GAL3ST2: variants seen among roughly 807,000 people sequenced by gnomAD.
GAL3ST2 encodes the protein galactose-3-O-sulfotransferase 2.
Under a neutral mutation model 12.9 loss-of-function variants are expected in GAL3ST2, and 16 were observed. The observed-to-expected ratio is 1.24, with a 90% CI of 0.84 to 1.88. GAL3ST2 has a LOEUF of 1.88. Among genes scored for constraint, GAL3ST2 ranks in the 40% most tolerant of loss-of-function variants. The pLI is 0.00. For missense variants in GAL3ST2, 639 were observed against 571.8 expected, an observed-to-expected ratio of 1.12 and a Z score of -1.20; for synonymous variants, 302 against 273.9, an observed-to-expected ratio of 1.10 and a Z score of -1.01.
At chr2:241,783,177 T>C (rs775829959) in intron 1 of GAL3ST2, among the ~76,000 whole-genome samples, 1 of 151,714 alleles carries the variant, frequency 6.6e-6, no homozygotes, top group Non-Finnish European at 1.5e-5. Context: ...TTAATCTCAA[T>C]TTTTTTTCCT....
rs200873876 is a variant in GAL3ST2 at position 241,803,545 on chromosome 2, C to G, written c.576C>G (p.Asn192Lys). 22 of 1,608,966 alleles carry G rather than the reference C, an allele frequency of 1.4e-5. No individual in the cohort carries two copies. In the African/African-American group the frequency reaches 2.4e-4, roughly 18 times the overall value. ...RHLRNVYAKNNMWFDFGFDPN... is the reference protein window; with the variant it reads ...RHLRNVYAKNKMWFDFGFDPN... ...TCAGGAACGTCTACGCCAAGAACAA[C>G]ATGTGGTTCGACTTCGGCTTCGACC... The change falls in exon 4 of 4, where the codon AAC (asparagine) becomes AAG (lysine). Residue 192 changes from asparagine (N) to lysine (K), a missense_variant. Coordinates refer to ENST00000192314, the MANE Select transcript of GAL3ST2 (RefSeq NM_022134.3).
At chr2:241,778,257 A>T (rs1257755857) in intron 1 of GAL3ST2, among the ~76,000 whole-genome samples, 2 of 152,164 alleles carry the variant, frequency 1.3e-5, no homozygotes, top group Admixed American at 1.3e-4. Flanking sequence ...GGGTGGAACA[A>T]ATCAACAGCC....
At position 241,804,120 on chromosome 2, in the gene GAL3ST2, A is replaced by T. The variant is rs1699901476; in HGVS notation, c.1151A>T (p.Gln384Leu). 1.3e-6 allele frequency: 2 copies of T among 1,499,030 alleles called. No individual in the cohort carries two copies. Among genetic ancestry groups the T allele is most frequent in the South Asian group, 2.6e-5 (2 of 77,636 alleles). The allele number at this position is 1,499,030 out of a possible 1,614,324, so 92.9% of individuals were successfully genotyped here. Residue 384 changes from glutamine (Q) to leucine (L), a missense_variant, in exon 4 of 4, where the codon CAG becomes CTG. By Grantham distance (113) the Gln-to-Leu change is moderately radical. Coordinates refer to ENST00000192314, the MANE Select transcript of GAL3ST2 (RefSeq NM_022134.3). ...TACATGGCCCGCCTGTACGCCCTGC[A>T]GTTCCCGGAGAAGCCCCTCAAGAAC... is the stretch of plus-strand genomic sequence containing the variant. ...LQYMARLYAL[Q>L]FPEKPLKNIP...
chr2:241,798,505 A>G (rs988366657), intron 1 of GAL3ST2, among the ~76,000 whole-genome samples: 1 of 152,130 alleles, frequency 6.6e-6, no homozygotes, highest in Non-Finnish European at 1.5e-5. Context: ...TCCTTGTCTT[A>G]GAAGGACACG....
Position 241,801,337 on chromosome 2 carries a change from CACATTTTCTTTACG to C in GAL3ST2, c.120-443_120-430del. ...ACAGTATTCCGTGGTGTAGATGTGC[CACATTTTCTTTACG>C]GTCTCTATGTAACATTCACACCCGG... On this transcript the variant is annotated intron_variant, in intron 2 of 3. Transcript: ENST00000192314. The surrounding 1 kb of genome is among the most constrained non-coding windows in gnomAD (Gnocchi z 4.4). 8 of 165,026 alleles carry C rather than the reference CACATTTTCTTTACG, an allele frequency of 4.8e-5. No homozygotes were observed. The highest frequency in any genetic ancestry group is 1.9e-4 in the South Asian group (1 of 5,242). The allele number at this position is 165,026 out of a possible 1,614,324, so 10.2% of individuals were successfully genotyped here. A position where few individuals can be genotyped will look rare whatever the true frequency, so the allele number is the denominator to read the frequency against.
chr2:241,787,549 T>TCC (rs1366205404), intron 1 of GAL3ST2, among the ~76,000 whole-genome samples: 13 of 151,910 alleles, frequency 8.6e-5, no homozygotes, highest in African/African-American at 2.9e-4. Flanking sequence ...CCTTTTTTTT[T>TCC]TTTTTTTTGG....
intron 1 of GAL3ST2, among the ~76,000 whole-genome samples, chr2:241,778,347 G>A (rs1171670219): frequency 1.3e-5 from 2 of 152,378 alleles, no homozygotes; most frequent in African/African-American, 4.8e-5. Context: ...GAACAGAGGA[G>A]AGACTTTGCC....
chr2:241,796,040 C>T (rs926961718), intron 1 of GAL3ST2, among the ~76,000 whole-genome samples: 9 of 152,200 alleles, frequency 5.9e-5, no homozygotes, highest in Non-Finnish European at 1.0e-4. Flanking sequence ...CCGCGTGTGC[C>T]GTGAGGATGA....
Position 241,801,846 on chromosome 2 carries a change from C to T in GAL3ST2, c.185C>T (p.Thr62Met), listed in dbSNP as rs780795881. The change falls in exon 3 of 4, where the codon ACG becomes ATG. Residue 62 changes from threonine to methionine, a missense_variant. Thr to Met is a moderately conservative substitution (Grantham distance 81, BLOSUM62 -1). Coordinates refer to ENST00000192314, the MANE Select transcript of GAL3ST2 (RefSeq NM_022134.3). This position sits in a 1 kb window ranked among gnomAD's most constrained non-coding sequence, Gnocchi z 4.4. ...ATCATGTTCCTGAAGACGCACAAGA[C>T]GGCCAGCAGCACGGTGCTCAACATC... The part of the protein sequence containing the change: ...TNIMFLKTHK[T>M]ASSTVLNILY... 1.7e-5 allele frequency: 28 copies of T among 1,612,846 alleles called. No homozygotes were observed. Among genetic ancestry groups the T allele is most frequent in the Non-Finnish European group, 2.2e-5 (26 of 1,179,962 alleles).
At chr2:241,797,101 C>T (rs748165839) in intron 1 of GAL3ST2, among the ~76,000 whole-genome samples, 1 of 152,240 alleles carries the variant, frequency 6.6e-6, no homozygotes, top group Non-Finnish European at 1.5e-5. Context: ...TCAAGCAATT[C>T]TCCCACTTCC....
At chr2:241,785,948 T>A (rs1342861674) in intron 1 of GAL3ST2, among the ~76,000 whole-genome samples, 1 of 152,186 alleles carries the variant, frequency 6.6e-6, no homozygotes, top group Non-Finnish European at 1.5e-5. Flanking sequence ...TGTTTTTAAA[T>A]CTCATTACCA....
Position 241,804,220 on chromosome 2 carries a change from G to A in GAL3ST2, c.*54G>A, listed in dbSNP as rs546556169. Reference sequence around the variant, plus strand: ...GCGGACACCAGCTCCTCTCTCCGCCGTCACCGGGGAGGCCGGGGATCCTTG... The same window carrying A: ...GCGGACACCAGCTCCTCTCTCCGCCATCACCGGGGAGGCCGGGGATCCTTG... On this transcript the variant is annotated 3_prime_UTR_variant, in exon 4 of 4. Transcript: ENST00000192314. 2.1e-4 allele frequency: 277 copies of A among 1,336,352 alleles called. 2 individuals carry two copies. In the African/African-American group the frequency reaches 3.2e-3, roughly 15 times the overall value. 82.8% of individuals were successfully genotyped at this position (1,336,352 alleles called of 1,614,324 possible).
At position 241,786,139 on chromosome 2, in the gene GAL3ST2, T is replaced by TGTGTGTGTGTGTGTG. The variant is rs1553615798; in HGVS notation, c.29+9155_29+9156insGTGTGTGTGTGTGTG. ...ATCTTTCTCCCCCACCACACACCTT[T>TGTGTGTGTGTGTGTG]TGTGTGTGTGTGTGTGTGTGTGTGT... On this transcript the variant is annotated intron_variant, in intron 1 of 3. Coordinates refer to ENST00000192314, the MANE Select transcript of GAL3ST2 (RefSeq NM_022134.3). Among the ~76,000 whole-genome samples, 370 of 145,936 alleles carry TGTGTGTGTGTGTGTG rather than the reference T, an allele frequency of 2.5e-3. 6 individuals carry two copies. The East Asian group carries it at 0.028, about 11-fold the overall frequency.
At chr2:241,798,699 G>A (rs541987469) in intron 1 of GAL3ST2, among the ~76,000 whole-genome samples, 1 of 152,178 alleles carries the variant, frequency 6.6e-6, no homozygotes, top group South Asian at 2.1e-4. Flanking sequence ...GGGGGTCTCC[G>A]TCCCATACAG....
chr2:241,799,112 T>A lies in GAL3ST2; in HGVS notation c.77T>A (p.Leu26Gln), dbSNP rs956994026. ...CTCCTCCTGGCCCTGACTCTGCTCC[T>A]GCTGGCCGGATTCCTGCACTCGGAC... The part of the protein sequence containing the change: ...LLLLLALTLL[L>Q]LAGFLHSDLE... The change falls in exon 2 of 4, where the codon CTG (leucine) becomes CAG (glutamine). Residue 26 changes from leucine (L) to glutamine (Q), a missense_variant. Coordinates refer to ENST00000192314, the MANE Select transcript of GAL3ST2 (RefSeq NM_022134.3). 4 of 1,613,694 alleles carry A rather than the reference T, an allele frequency of 2.5e-6. No individual in the cohort carries two copies. The highest frequency in any genetic ancestry group is 3.4e-6 in the Non-Finnish European group (4 of 1,180,034).
chr2:241,785,857 TACAC>T (rs142153611), intron 1 of GAL3ST2, among the ~76,000 whole-genome samples: 1 of 150,062 alleles, frequency 6.7e-6, no homozygotes, highest in Admixed American at 6.6e-5. Context: ...GCCTTTTAAA[TACAC>T]ACACACACAC....
chr2:241,803,411 G>GT lies in GAL3ST2; in HGVS notation c.442_443insT (p.Glu148ValfsTer226), dbSNP rs1699882745. 8 of 1,612,700 alleles carry GT rather than the reference G, an allele frequency of 5.0e-6. No homozygotes were observed. The highest frequency in any genetic ancestry group is 6.8e-6 in the Non-Finnish European group (8 of 1,179,622). On this transcript the variant is annotated frameshift_variant, in exon 4 of 4. Coordinates refer to ENST00000192314, the MANE Select transcript of GAL3ST2 (RefSeq NM_022134.3). LOFTEE classifies it low-confidence loss of function (END_TRUNC). Reference sequence around the variant, plus strand: ...CCTGAGGAACCCCGTGTTCCAGCTGGAGTCCTCCTTCATCTACTACAAAAC... The same window carrying GT: ...CCTGAGGAACCCCGTGTTCCAGCTGGTAGTCCTCCTTCATCTACTACAAAAC...
intron 1 of GAL3ST2, among the ~76,000 whole-genome samples, chr2:241,791,120 A>G (rs1699688326): frequency 6.6e-6 from 1 of 152,170 alleles, no homozygotes; most frequent in South Asian, 2.1e-4. Context: ...ACCCCTACCA[A>G]CTTGGGCACA....
rs544692460 is a variant in GAL3ST2 at position 241,794,978 on chromosome 2, A to G, written c.30-4087A>G. Among the ~76,000 whole-genome samples the G allele has an allele frequency of 8.5e-5, 13 of 152,276 alleles. No individual in the cohort carries two copies. The South Asian group carries it at 2.3e-3, about 27-fold the overall frequency. On this transcript the variant is annotated intron_variant, in intron 1 of 3. Coordinates refer to ENST00000192314, the MANE Select transcript of GAL3ST2 (RefSeq NM_022134.3). ...ATTCACACACTAAAGAATTTACCCA[A>G]TTAGAGTGCACAATTCGCTGGTTTC...
Sources: allele counts gnomAD v4.1 joint callset (sites outside exome capture counted in the v4.1 genomes callset), GRCh38; gene constraint gnomAD v4.1.1; non-coding constraint Gnocchi (gnomAD v3.1); transcripts MANE v1.5; gene names NCBI Gene and HGNC (gene_info 2026-07-23, HGNC 2026-07-21).